VEZT: variants seen among roughly 807,000 people sequenced by gnomAD.
VEZT encodes vezatin.
A neutral mutation model predicts 79.9 loss-of-function variants in VEZT; 39 were observed. The ratio of observed to expected loss-of-function variants is 0.49; its 90% CI spans 0.38 to 0.64. The LOEUF is 0.64. Among genes scored for constraint, VEZT ranks in the 30% least tolerant of loss-of-function variants. The probability of loss-of-function intolerance (pLI) is 0.00; values close to 1 mark genes in which losing one functional copy is unlikely to be tolerated. For missense variants in VEZT, 837 were observed against 893.1 expected (o/e 0.94, Z 0.80); for synonymous variants, 325 against 327.6 (o/e 0.99, Z 0.09).
intron 1 of VEZT, among the ~76,000 whole-genome samples, chr12:95,249,299 T>A (rs2062151459): frequency 6.6e-6 from 1 of 152,158 alleles, no homozygotes; most frequent in African/African-American, 2.4e-5. Context: ...TTAAAAACAA[T>A]GTTTTTTTTT....
chr12:95,243,898 A>G, intron 1 of VEZT: 1 of 454,386 alleles, frequency 2.2e-6, no homozygotes, highest in South Asian at 1.6e-5. Context: ...GCCCCTTTGC[A>G]CATACCCACT....
chr12:95,242,329 C>G (rs1022897785), intron 1 of VEZT: 2 of 151,832 alleles, frequency 1.3e-5, no homozygotes, highest in African/African-American at 4.8e-5. Flanking sequence ...GACCCCATCT[C>G]TAAAAAAAAT....
intron 1 of VEZT, among the ~76,000 whole-genome samples, chr12:95,235,231 C>T (rs1386400035): frequency 1.3e-5 from 2 of 150,736 alleles, no homozygotes; most frequent in Non-Finnish European, 3.0e-5. Context: ...CCAGTAGGGG[C>T]GGCCGGGCAG....
chr12:95,283,102 A>AT (rs1369397596), intron 8 of VEZT, among the ~76,000 whole-genome samples: 6 of 152,144 alleles, frequency 3.9e-5, no homozygotes, highest in Admixed American at 1.3e-4. Flanking sequence ...AGATCTGAAA[A>AT]TTTTTTTGTA....
At chr12:95,224,419 T>G (rs1592993603) in intron 1 of VEZT, among the ~76,000 whole-genome samples, 1 of 152,126 alleles carries the variant, frequency 6.6e-6, no homozygotes, top group East Asian at 1.9e-4. Context: ...GCTCAGGTGA[T>G]CCTACCACTT....
chr12:95,263,425 G>A (rs564143714), intron 4 of VEZT, among the ~76,000 whole-genome samples: 39 of 152,284 alleles, frequency 2.6e-4, no homozygotes, highest in African/African-American at 8.7e-4. Context: ...TGAGGTGGTA[G>A]GATTGCTTAA....
intron 1 of VEZT, chr12:95,231,501 A>C (rs903925299): frequency 6.6e-6 from 1 of 152,172 alleles, no homozygotes. Flanking sequence ...AGAGGCAGTA[A>C]ATTTTTCATT....
chr12:95,222,075 G>A (rs1182256780), intron 1 of VEZT, among the ~76,000 whole-genome samples: 3 of 152,140 alleles, frequency 2.0e-5, no homozygotes, highest in Non-Finnish European at 2.9e-5. Context: ...AATTCCCCAT[G>A]AATAAAGAGA....
chr12:95,256,798 GTTGACATAGTACA>G (rs1441374822), intron 2 of VEZT, among the ~76,000 whole-genome samples: 1 of 152,172 alleles, frequency 6.6e-6, no homozygotes, highest in African/African-American at 2.4e-5. Context: ...CTATCATCAT[GTTGACATAGTACA>G]TAGTCTCCCC....
chr12:95,274,969 G>C, intron 7 of VEZT, 80 bp downstream of exon 7: 1 of 1,505,188 alleles, frequency 6.6e-7, no homozygotes, highest in Non-Finnish European at 8.9e-7. Flanking sequence ...AATGTAAATA[G>C]TGCGTTTGTT....
At chr12:95,269,918 A>T in intron 5 of VEZT, 133 bp from the exon 6 acceptor site, 1 of 1,006,144 alleles carries the variant, frequency 9.9e-7, no homozygotes, top group Non-Finnish European at 1.4e-6. Flanking sequence ...ACATATGTAT[A>T]ATCATTTTCT....
intron 9 of VEZT, chr12:95,290,608 A>G (rs180974439): frequency 6.6e-6 from 1 of 152,312 alleles, no homozygotes; most frequent in Admixed American, 6.5e-5. Flanking sequence ...AAAACAGATC[A>G]GTAGTTGCAA....
intron 7 of VEZT, among the ~76,000 whole-genome samples, chr12:95,279,366 C>T (rs1054237689): frequency 3.3e-5 from 5 of 152,086 alleles, no homozygotes; most frequent in African/African-American, 1.2e-4. Flanking sequence ...CTCTCTTTTC[C>T]TTTAAGTTTT....
At chr12:95,262,843 C>A in intron 3 of VEZT, 63 bp from the exon 4 acceptor site, 1 of 1,372,024 alleles carries the variant, frequency 7.3e-7, no homozygotes, top group Non-Finnish European at 9.6e-7. Flanking sequence ...ACATTAGGAG[C>A]TTAGCGTTTA....
At chr12:95,246,070 G>A (rs1593341015) in intron 1 of VEZT, among the ~76,000 whole-genome samples, 1 of 152,126 alleles carries the variant, frequency 6.6e-6, no homozygotes, top group South Asian at 2.1e-4. Flanking sequence ...ACTGCCATAA[G>A]TGAATGGTTG....
At position 95,300,329 on chromosome 12, in the gene VEZT, GA is replaced by G. The variant is rs1291814446; in HGVS notation, c.2000del (p.Asn667ThrfsTer3). ...NEISRTEYLC[E>X]NSLEGKNKDN... is the part of the protein sequence containing the mutation. Reference sequence around the variant, plus strand: ...AATAAGTAGGACTGAGTATTTATGTGAAAACTCTCTAGAAGGTAAAAATAAA... The same window carrying G: ...AATAAGTAGGACTGAGTATTTATGTGAAACTCTCTAGAAGGTAAAAATAAA... On this transcript the variant is annotated frameshift_variant, in exon 12 of 12. Transcript: ENST00000436874. LOFTEE classifies it low-confidence loss of function (END_TRUNC). The G allele has an allele frequency of 6.2e-7, 1 of 1,611,080 alleles. No individual in the cohort carries two copies. The highest frequency in any genetic ancestry group is 1.7e-5 in the Admixed American group (1 of 59,616).
chr12:95,280,619 G>A (rs1211768247), intron 7 of VEZT, among the ~76,000 whole-genome samples: 2 of 149,498 alleles, frequency 1.3e-5, no homozygotes, highest in South Asian at 2.1e-4. Flanking sequence ...TTTCTTCCTC[G>A]ACAATCATTA....
chr12:95,223,750 C>T (rs1277792843), intron 1 of VEZT, among the ~76,000 whole-genome samples: 7 of 152,186 alleles, frequency 4.6e-5, no homozygotes, highest in Non-Finnish European at 8.8e-5. Flanking sequence ...CGTGCCTGGC[C>T]TCAGGTAGAC....
chr12:95,291,590 G>A (rs746370758), intron 9 of VEZT, among the ~76,000 whole-genome samples: 5 of 152,204 alleles, frequency 3.3e-5, no homozygotes, highest in Non-Finnish European at 5.9e-5. Context: ...AAATGAGTGT[G>A]GCTGTGTTCT....
Sources: allele counts gnomAD v4.1 joint callset (sites outside exome capture counted in the v4.1 genomes callset), GRCh38; gene constraint gnomAD v4.1.1; transcripts MANE v1.5; gene names NCBI Gene and HGNC (gene_info 2026-07-23, HGNC 2026-07-21).